C2CD3: variants seen among roughly 807,000 people sequenced by gnomAD.
C2CD3 encodes C2 domain-containing protein 3.
A neutral mutation model predicts 234.0 loss-of-function variants in C2CD3; 148 were observed. The observed-to-expected ratio is 0.63, with a 90% CI of 0.55 to 0.72. The LOEUF is 0.72. C2CD3 is among the 30% of genes least tolerant of loss of function. The probability of loss-of-function intolerance (pLI) is 0.00; values close to 1 mark genes in which losing one functional copy is unlikely to be tolerated. For synonymous variants in C2CD3, 1,000 were observed against 1,035.4 expected (o/e 0.97, Z 0.66); for missense variants, 2,577 against 2,811.5 (o/e 0.92, Z 1.89).
chr11:74,167,776 C>T (rs1296875546), intron 2 of C2CD3, among the ~76,000 whole-genome samples: 1 of 152,232 alleles, frequency 6.6e-6, no homozygotes, highest in Non-Finnish European at 1.5e-5. Context: ...AAAATGAAGA[C>T]ATCTTGGCTT....
intron 3 of C2CD3, among the ~76,000 whole-genome samples, chr11:74,149,980 T>C (rs1463571658): frequency 6.6e-6 from 1 of 152,170 alleles, no homozygotes; most frequent in East Asian, 1.9e-4. Flanking sequence ...AATGTGGCTA[T>C]TGAGAAGTTT....
chr11:74,099,687 G>T (rs1475562577), intron 15 of C2CD3, among the ~76,000 whole-genome samples: 1 of 152,136 alleles, frequency 6.6e-6, no homozygotes, highest in Non-Finnish European at 1.5e-5. Flanking sequence ...ATGAGGTCAG[G>T]AGATCGAGAC....
At chr11:74,146,983 G>A (rs888165293) in intron 3 of C2CD3, among the ~76,000 whole-genome samples, 6 of 152,000 alleles carry the variant, frequency 3.9e-5, no homozygotes, top group South Asian at 2.1e-4. Context: ...AACCTGGGGC[G>A]GAGGTTGCAG....
rs191092189 is a variant in C2CD3 at position 74,077,725 on chromosome 11, T to A, written c.4603+390A>T. On this transcript the variant is annotated intron_variant, in intron 23 of 32. Transcript: ENST00000334126. Reference sequence around the variant, plus strand: ...CAAACCACCATGGCACATGTATACCTATGTAATAAAACTGCACATTCTGCA... The same window carrying A: ...CAAACCACCATGGCACATGTATACCAATGTAATAAAACTGCACATTCTGCA... Among the ~76,000 whole-genome samples, 527 of 138,002 alleles carry A rather than the reference T, an allele frequency of 3.8e-3. 3 individuals are homozygous for A. Among genetic ancestry groups the A allele is most frequent in the African/African-American group, 0.013 (507 of 38,228 alleles). The allele number at this position is 138,002 out of a possible 152,430, so 90.5% of individuals were successfully genotyped here.
chr11:74,162,262 C>G (rs1856527394), intron 2 of C2CD3, among the ~76,000 whole-genome samples: 1 of 151,702 alleles, frequency 6.6e-6, no homozygotes, highest in Non-Finnish European at 1.5e-5. Flanking sequence ...GGAACAACAT[C>G]CAAGATGAAT....
chr11:74,156,387 A>AG (rs1220311257), intron 3 of C2CD3, among the ~76,000 whole-genome samples: 2 of 149,250 alleles, frequency 1.3e-5, no homozygotes, highest in Non-Finnish European at 3.0e-5. Flanking sequence ...GCTGGAGCCC[A>AG]GGAGGTCGAA....
At chr11:74,130,399 T>A (rs192199038) in intron 7 of C2CD3, among the ~76,000 whole-genome samples, 1 of 151,982 alleles carries the variant, frequency 6.6e-6, no homozygotes, top group Non-Finnish European at 1.5e-5. Context: ...CTAATCTTTT[T>A]TATTTTTATT....
intron 24 of C2CD3, among the ~76,000 whole-genome samples, chr11:74,072,941 G>C (rs951004547): frequency 6.6e-6 from 1 of 152,202 alleles, no homozygotes; most frequent in Non-Finnish European, 1.5e-5. Flanking sequence ...GGAGCAAATA[G>C]AAGGGGGCCT....
intron 32 of C2CD3, among the ~76,000 whole-genome samples, chr11:74,019,072 T>C (rs1207818533): frequency 6.6e-6 from 1 of 152,170 alleles, no homozygotes; most frequent in Non-Finnish European, 1.5e-5. Flanking sequence ...TTTGTTTTTT[T>C]AAACAGGGCC....
chr11:74,129,031 A>C (rs1400402547), intron 7 of C2CD3: 10 of 248,040 alleles, frequency 4.0e-5, no homozygotes, highest in South Asian at 2.9e-4. Context: ...CGCCATTGTC[A>C]TCATGGCCCG....
chr11:74,123,186 GA>G, intron 7 of C2CD3, 51 bp from the exon 8 acceptor site: 1 of 1,383,176 alleles, frequency 7.2e-7, no homozygotes. Context: ...AGTTTCAGCT[GA>G]ACTATTCTCT....
chr11:74,045,622 A>C (rs1467787226), intron 28 of C2CD3, among the ~76,000 whole-genome samples: 1 of 150,626 alleles, frequency 6.6e-6, no homozygotes, highest in South Asian at 2.1e-4. Context: ...CCTAGGCTGG[A>C]GTGCAATGGC....
intron 28 of C2CD3, among the ~76,000 whole-genome samples, chr11:74,044,956 A>C (rs557195475): frequency 7.0e-6 from 1 of 142,708 alleles, no homozygotes; most frequent in South Asian, 2.2e-4. Flanking sequence ...TTCTTTTGTT[A>C]TTTGTGCTTT....
chr11:74,081,990 C>G (rs914978130), intron 22 of C2CD3, among the ~76,000 whole-genome samples: 12 of 152,152 alleles, frequency 7.9e-5, no homozygotes, highest in African/African-American at 2.9e-4. Flanking sequence ...CTTTCTCTTG[C>G]CTGATTGCCC....
chr11:74,129,126 G>A, intron 7 of C2CD3: 1 of 177,212 alleles, frequency 5.6e-6, no homozygotes, highest in Non-Finnish European at 1.2e-5. Flanking sequence ...GGGCGGCCGG[G>A]CAGAGGCGCC....
intron 8 of C2CD3, among the ~76,000 whole-genome samples, chr11:74,120,127 C>CT (rs907809540): frequency 4.5e-4 from 64 of 143,818 alleles, no homozygotes; most frequent in Middle Eastern, 7.2e-3. Flanking sequence ...AGATTACTTC[C>CT]TTTTTTTTTT....
chr11:74,070,016 C>A (rs1443010406), intron 24 of C2CD3, among the ~76,000 whole-genome samples: 1 of 152,166 alleles, frequency 6.6e-6, no homozygotes, highest in Non-Finnish European at 1.5e-5. Flanking sequence ...CCTTGATGGG[C>A]TAAAGAATGC....
chr11:74,121,708 C>T (rs11236008), intron 8 of C2CD3, among the ~76,000 whole-genome samples: 33,573 of 151,806 alleles, frequency 0.22, 4,114 homozygotes, highest in Admixed American at 0.3. Context: ...AACAAACAAC[C>T]CCCCCAAGTA....
intron 17 of C2CD3, among the ~76,000 whole-genome samples, chr11:74,094,218 A>G (rs1357735652): frequency 2.2e-5 from 3 of 138,590 alleles, no homozygotes; most frequent in African/African-American, 5.4e-5. Context: ...TTTTTTTTTT[A>G]ATTATAGCCA....
Sources: allele counts gnomAD v4.1 joint callset (sites outside exome capture counted in the v4.1 genomes callset), GRCh38; gene constraint gnomAD v4.1.1; transcripts MANE v1.5; gene names NCBI Gene and HGNC (gene_info 2026-07-23, HGNC 2026-07-21).